TTC17: variants seen among roughly 807,000 people sequenced by gnomAD.
The protein encoded by TTC17 is tetratricopeptide repeat protein 17.
TTC17 carries 58 observed loss-of-function variants against 143.8 expected under a neutral mutation model. The observed-to-expected ratio is 0.40, with a 90% confidence interval of 0.33 to 0.50. The LOEUF (loss-of-function observed/expected upper bound fraction) is 0.50, where lower values mean the gene tolerates loss of function less well. TTC17 is among the 20% of genes least tolerant of loss of function. The pLI is 0.49. For missense variants in TTC17, 1,273 were observed against 1,392.5 expected (o/e 0.91, Z 1.37); for synonymous variants, 501 against 497.8 (o/e 1.01, Z -0.09).
intron 21 of TTC17, among the ~76,000 whole-genome samples, chr11:43,453,219 CAT>C (rs1266469302): frequency 3.3e-5 from 5 of 151,958 alleles, no homozygotes; most frequent in Admixed American, 6.6e-5. Flanking sequence ...ATGTTAGAAA[CAT>C]ATTTTAAGCT....
intron 1 of TTC17, among the ~76,000 whole-genome samples, chr11:43,377,728 C>T (rs1405037743): frequency 1.3e-5 from 2 of 152,110 alleles, no homozygotes; most frequent in Non-Finnish European, 2.9e-5. Flanking sequence ...TTGACCAGAT[C>T]CATGCTATGG....
At chr11:43,491,897 T>G (rs1250476058) in intron 22 of TTC17, 123 bp from the exon 23 acceptor site, 1 of 1,305,426 alleles carries the variant, frequency 7.7e-7, no homozygotes, top group East Asian at 2.4e-5. Flanking sequence ...CAAAAGCACT[T>G]TGAGTGGCAC....
intron 5 of TTC17, chr11:43,396,150 T>G (rs1857582937): frequency 6.6e-6 from 1 of 152,092 alleles, no homozygotes; most frequent in Admixed American, 6.6e-5. Flanking sequence ...AAGGAAAACT[T>G]GTATCTTTTA....
chr11:43,380,897 T>C (rs1856942489), intron 2 of TTC17, among the ~76,000 whole-genome samples: 1 of 152,246 alleles, frequency 6.6e-6, no homozygotes, highest in African/African-American at 2.4e-5. Context: ...GGTATCCTTA[T>C]AGTGCTTCAT....
chr11:43,449,131 C>T (rs1947607876), intron 19 of TTC17: 2 of 152,326 alleles, frequency 1.3e-5, no homozygotes, highest in Middle Eastern at 3.2e-3. Context: ...TCTATTCTCT[C>T]CACAGTACTC....
chr11:43,397,760 C>A (rs1023122250), intron 7 of TTC17, among the ~76,000 whole-genome samples: 2 of 151,954 alleles, frequency 1.3e-5, no homozygotes, highest in Non-Finnish European at 2.9e-5. Flanking sequence ...ACTAAACCAT[C>A]CTATAGTATG....
intron 16 of TTC17, chr11:43,436,140 A>G (rs189690788): frequency 1.9e-4 from 252 of 1,360,834 alleles, no homozygotes; most frequent in East Asian, 1.3e-3. Flanking sequence ...CTAATGTGCT[A>G]TATCTGTGTC....
intron 21 of TTC17, among the ~76,000 whole-genome samples, chr11:43,473,509 A>G (rs1948128286): frequency 6.6e-6 from 1 of 152,216 alleles, no homozygotes; most frequent in Non-Finnish European, 1.5e-5. Flanking sequence ...CACACTGGCA[A>G]AAATTCAGAA....
chr11:43,412,885 T>G (rs550048067), intron 15 of TTC17, among the ~76,000 whole-genome samples: 2 of 152,076 alleles, frequency 1.3e-5, no homozygotes, highest in South Asian at 4.2e-4. Flanking sequence ...ATTTATAGAT[T>G]CAATTCAATC....
intron 21 of TTC17, among the ~76,000 whole-genome samples, chr11:43,480,777 A>G (rs1948270650): frequency 6.6e-6 from 1 of 152,064 alleles, no homozygotes; most frequent in Admixed American, 6.5e-5. Flanking sequence ...TTAAATTTTT[A>G]CAGTAAAATT....
chr11:43,436,273 G>A (rs190018842), intron 16 of TTC17: 2 of 1,428,878 alleles, frequency 1.4e-6, no homozygotes, highest in Admixed American at 2.6e-5. Context: ...GAGGAACAGA[G>A]GAGGACCCTG....
intron 21 of TTC17, among the ~76,000 whole-genome samples, chr11:43,475,523 C>T (rs1359199294): frequency 1.3e-5 from 2 of 152,112 alleles, no homozygotes; most frequent in Non-Finnish European, 2.9e-5. Flanking sequence ...TAAATAGAGA[C>T]AAGGTCTTCC....
intron 21 of TTC17, among the ~76,000 whole-genome samples, chr11:43,464,213 G>A (rs1947926794): frequency 6.6e-6 from 1 of 151,994 alleles, no homozygotes; most frequent in African/African-American, 2.4e-5. Flanking sequence ...CTGGGAGGCA[G>A]AGGTTGCAGT....
chr11:43,481,667 CAT>C (rs1472579284), intron 21 of TTC17, among the ~76,000 whole-genome samples: 3 of 152,082 alleles, frequency 2.0e-5, no homozygotes, highest in African/African-American at 7.2e-5. Flanking sequence ...GAAAGTTCTT[CAT>C]ATTATTTTCT....
At chr11:43,447,570 C>A in intron 18 of TTC17, 1 of 163,696 alleles carries the variant, frequency 6.1e-6, no homozygotes, top group Non-Finnish European at 1.3e-5. Flanking sequence ...CAGGACAGGT[C>A]CCTCAAAAAA....
At chr11:43,379,420 C>T in intron 2 of TTC17, 98 bp downstream of exon 2, 7 of 1,064,968 alleles carry the variant, frequency 6.6e-6, no homozygotes, top group Non-Finnish European at 6.9e-6. Flanking sequence ...TTTTTTAAGT[C>T]TGAGTCTTCT....
intron 23 of TTC17, 129 bp downstream of exon 23, chr11:43,492,292 C>T (rs1277886257): frequency 1.2e-5 from 15 of 1,242,934 alleles, no homozygotes; most frequent in Middle Eastern, 2.7e-4. Context: ...GCTGGTTCCA[C>T]CAATGTTATA....
intron 2 of TTC17, among the ~76,000 whole-genome samples, chr11:43,386,040 G>A (rs1483984229): frequency 6.6e-6 from 1 of 151,496 alleles, no homozygotes; most frequent in African/African-American, 2.4e-5. Context: ...TGAAAACTTA[G>A]GTATAATGTA....
At position 43,443,311 on chromosome 11, in the gene TTC17, C is replaced by A. The variant is rs1425239518; in HGVS notation, c.2252-14C>A. 2 of 1,613,038 alleles carry A rather than the reference C, an allele frequency of 1.2e-6. No individual in the cohort carries two copies. Among genetic ancestry groups the A allele is most frequent in the Non-Finnish European group, 1.7e-6 (2 of 1,179,500 alleles). ...TGTGTACCTTTTACTAACGTGCTGG[C>A]CCTTGAATTTCAGGTACGGTGGTTG... On this transcript the variant is annotated splice_polypyrimidine_tract_variant and intron_variant, in intron 16 of 23. Coordinates refer to ENST00000039989, the MANE Select transcript of TTC17 (RefSeq NM_018259.6).
Sources: allele counts gnomAD v4.1 joint callset (sites outside exome capture counted in the v4.1 genomes callset), GRCh38; gene constraint gnomAD v4.1.1; transcripts MANE v1.5; gene names NCBI Gene and HGNC (gene_info 2026-07-23, HGNC 2026-07-21).